Variants in NEO1 observed in about 807,000 individuals in gnomAD.
The protein encoded by NEO1 is neogenin.
A neutral mutation model predicts 159.7 loss-of-function variants in NEO1; 63 were observed. The ratio of observed to expected loss-of-function variants is 0.39; its 90% CI spans 0.32 to 0.49. NEO1 has a LOEUF of 0.49. Ranked by LOEUF, NEO1 falls within the 20% of genes least tolerant of loss-of-function variation. The pLI is 0.85. For synonymous variants in NEO1, 633 were observed against 662.0 expected, an observed-to-expected ratio of 0.96 and a Z score of 0.67; for missense variants, 1,615 against 1,831.0, an observed-to-expected ratio of 0.88 and a Z score of 2.15.
intron 1 of NEO1, among the ~76,000 whole-genome samples, chr15:73,081,867 A>ATT (rs35614949): frequency 0.016 from 2,130 of 131,690 alleles, 65 homozygotes; most frequent in African/African-American, 0.05. Context: ...AAATACTAGT[A>ATT]TTTTTTTTTT....
At chr15:73,282,682 A>G (rs2041780722) in intron 22 of NEO1, among the ~76,000 whole-genome samples, 1 of 152,220 alleles carries the variant, frequency 6.6e-6, no homozygotes, top group South Asian at 2.1e-4. Context: ...GTATATCTCA[A>G]CCTTTGAAAG....
chr15:73,257,263 G>T (rs1201880456), intron 13 of NEO1, among the ~76,000 whole-genome samples: 4 of 112,608 alleles, frequency 3.6e-5, no homozygotes, highest in Admixed American at 9.5e-5. Flanking sequence ...TCTTGTTGCT[G>T]TTAAAAAAAA....
intron 2 of NEO1, among the ~76,000 whole-genome samples, chr15:73,122,063 G>GTGTATATA (rs1290054672): frequency 4.0e-5 from 5 of 126,362 alleles, no homozygotes; most frequent in Non-Finnish European, 7.9e-5. Context: ...GTGTGTGTGT[G>GTGTATATA]TATATATATA....
intron 1 of NEO1, among the ~76,000 whole-genome samples, chr15:73,115,461 T>C (rs7168555): frequency 0.7 from 107,042 of 152,144 alleles, 38,781 homozygotes; most frequent in African/African-American, 0.89. Flanking sequence ...TTATTTCTTT[T>C]CCTCTGCCAG....
In NEO1 at chr15:73,258,844, T is replaced by C; in HGVS notation, c.2171T>C (p.Leu724Pro). Reference sequence around the variant, plus strand: ...GGTACAGGCCCGGCAACTGACTGGCTGTCTGCTGAAACTTTTGAAAGTGAC... The same window carrying C: ...GGTACAGGCCCGGCAACTGACTGGCCGTCTGCTGAAACTTTTGAAAGTGAC... ...INGTGPATDW[L>P]SAETFESDLD... Residue 724 changes from leucine to proline, a missense_variant, in exon 14 of 29, where the codon CTG becomes CCG. Physicochemically the swap from Leu to Pro is moderately conservative, Grantham distance 98 (BLOSUM62 -3). Coordinates refer to ENST00000261908, the MANE Select transcript of NEO1 (RefSeq NM_002499.4). The C allele has an allele frequency of 6.2e-7, 1 of 1,613,950 alleles. No homozygotes were observed. The highest frequency in any genetic ancestry group is 2.2e-5 in the East Asian group (1 of 44,874).
chr15:73,245,993 T>C (rs894743257), intron 9 of NEO1, among the ~76,000 whole-genome samples: 1 of 152,166 alleles, frequency 6.6e-6, no homozygotes, highest in African/African-American at 2.4e-5. Context: ...ATTTTAGATA[T>C]ATTTGTAGAG....
chr15:73,151,044 A>T (rs2033328880), intron 5 of NEO1, among the ~76,000 whole-genome samples: 1 of 152,188 alleles, frequency 6.6e-6, no homozygotes, highest in South Asian at 2.1e-4. Flanking sequence ...CAGAGTGGTC[A>T]TACCAGTTCA....
intron 1 of NEO1, among the ~76,000 whole-genome samples, chr15:73,065,075 G>T (rs1469188222): frequency 2.0e-5 from 3 of 151,340 alleles, no homozygotes; most frequent in South Asian, 2.1e-4. Flanking sequence ...CTTGTTATTT[G>T]TATGATTTCA....
rs768710371 is a variant in NEO1, at chr15:73,293,477, A to G, written c.3830A>G (p.His1277Arg). ...AGCCTCGCTTCTCCAGCTCGCAGTC[A>G]TCTCTACCACCCGGGCAGCCCATGG... is the stretch of plus-strand genomic sequence containing the variant. ...SSSLASPARS[H>R]LYHPGSPWPI... Residue 1277 changes from histidine to arginine, a missense_variant, in exon 26 of 29, where the codon CAT becomes CGT. His to Arg is a conservative substitution (Grantham distance 29). This residue lies in a region of NEO1 where 471 missense variants were observed against 498.9 expected (regional missense o/e 0.94). Coordinates refer to ENST00000261908, the MANE Select transcript of NEO1 (RefSeq NM_002499.4). 1 of 1,614,174 alleles carries G rather than the reference A, an allele frequency of 6.2e-7. No homozygotes were observed. Among genetic ancestry groups the G allele is most frequent in the East Asian group, 2.2e-5 (1 of 44,882 alleles).
At chr15:73,101,410 C>T (rs544257845) in intron 1 of NEO1, among the ~76,000 whole-genome samples, 4 of 152,206 alleles carry the variant, frequency 2.6e-5, no homozygotes, top group South Asian at 2.1e-4. Flanking sequence ...CTCACGCGCA[C>T]GCGTGCGCAC....
At chr15:73,182,261 A>G (rs1331860915) in intron 7 of NEO1, among the ~76,000 whole-genome samples, 1 of 152,154 alleles carries the variant, frequency 6.6e-6, no homozygotes. Context: ...TCAAGATAAG[A>G]TTTGGGTGGG....
chr15:73,170,469 C>T (rs1284157341), intron 5 of NEO1, among the ~76,000 whole-genome samples: 11 of 152,094 alleles, frequency 7.2e-5, no homozygotes, highest in Non-Finnish European at 1.6e-4. Flanking sequence ...GGTCTCAGAG[C>T]AATGACCATA....
intron 5 of NEO1, among the ~76,000 whole-genome samples, chr15:73,137,419 G>T (rs1175669072): frequency 6.6e-6 from 1 of 152,052 alleles, no homozygotes; most frequent in East Asian, 1.9e-4. Flanking sequence ...ATAGAGAAAG[G>T]TATCCCATTT....
At chr15:73,145,230 A>G (rs906989213) in intron 5 of NEO1, among the ~76,000 whole-genome samples, 3 of 152,240 alleles carry the variant, frequency 2.0e-5, no homozygotes, top group Non-Finnish European at 1.5e-5. Context: ...CACTAATTGT[A>G]TAAGAAATAC....
chr15:73,279,351 GT>G (rs869029902), intron 22 of NEO1, among the ~76,000 whole-genome samples: 24 of 119,352 alleles, frequency 2.0e-4, no homozygotes, highest in South Asian at 1.9e-3. Context: ...TTTGGTTTTG[GT>G]TTTTTTTTTT....
intron 1 of NEO1, among the ~76,000 whole-genome samples, chr15:73,112,589 A>T (rs1349435156): frequency 6.6e-6 from 1 of 152,140 alleles, no homozygotes; most frequent in Non-Finnish European, 1.5e-5. Context: ...GGCCTGGAAT[A>T]CATTTTTATG....
rs187487089 is a variant in NEO1, at chr15:73,134,437, T to C, written c.879-1454T>C. 6.6e-5 allele frequency among the ~76,000 whole-genome samples: 10 copies of C among 152,332 alleles called. No individual in the cohort carries two copies. The East Asian group carries it at 1.7e-3, about 26-fold the overall frequency. ...TCAGGAAGACTGATTACCTAGACTT[T>C]ACAATGTAATGAAATTTAAGCCAGA... On this transcript the variant is annotated intron_variant, in intron 4 of 28. Coordinates refer to ENST00000261908, the MANE Select transcript of NEO1 (RefSeq NM_002499.4).
chr15:73,080,060 C>T (rs780717714), intron 1 of NEO1, among the ~76,000 whole-genome samples: 1 of 151,892 alleles, frequency 6.6e-6, no homozygotes, highest in Non-Finnish European at 1.5e-5. Flanking sequence ...TGTAAATAAC[C>T]CAGTAGGGAA....
chr15:73,068,062 C>G (rs7495433), intron 1 of NEO1, among the ~76,000 whole-genome samples: 13,226 of 152,090 alleles, frequency 0.087, 667 homozygotes, highest in South Asian at 0.11. Context: ...ATCTACATTC[C>G]TATATCATTA....
Sources: allele counts gnomAD v4.1 joint callset (sites outside exome capture counted in the v4.1 genomes callset), GRCh38; gene constraint gnomAD v4.1.1; regional missense constraint gnomAD v4.1.1; transcripts MANE v1.5; gene names NCBI Gene and HGNC (gene_info 2026-07-23, HGNC 2026-07-21).